Variants in CHODL observed in about 807,000 individuals in gnomAD.
The protein encoded by CHODL is chondrolectin, also known as transmembrane protein MT75.
A neutral mutation model predicts 34.5 loss-of-function variants in CHODL; 29 were observed. The observed-to-expected ratio is 0.84, with a 90% CI of 0.63 to 1.15. The LOEUF (loss-of-function observed/expected upper bound fraction) is 1.15, where lower values mean the gene tolerates loss of function less well. Among genes scored for constraint, CHODL ranks in the 50% most tolerant of loss-of-function variants. The probability of loss-of-function intolerance (pLI) is 0.00; values close to 1 mark genes in which losing one functional copy is unlikely to be tolerated. For missense variants in CHODL, 332 were observed against 332.5 expected (o/e 1.00, Z 0.01); for synonymous variants, 125 against 116.1 (o/e 1.08, Z -0.49).
intron 2 of CHODL, among the ~76,000 whole-genome samples, chr21:18,200,972 A>G (rs1043797659): frequency 2.0e-5 from 3 of 152,158 alleles, no homozygotes; most frequent in South Asian, 2.1e-4. Flanking sequence ...GTCAGAAGGA[A>G]CAGAGCCCTG....
chr21:17,933,058 A>G (rs888310071), intron 1 of CHODL, among the ~76,000 whole-genome samples: 1 of 152,168 alleles, frequency 6.6e-6, no homozygotes, highest in Non-Finnish European at 1.5e-5. Flanking sequence ...AAACATCTCA[A>G]TGCCTTAAAG....
chr21:18,120,036 G>C (rs1436831129), intron 2 of CHODL, among the ~76,000 whole-genome samples: 1 of 152,140 alleles, frequency 6.6e-6, no homozygotes, highest in Non-Finnish European at 1.5e-5. Flanking sequence ...TGGGATGGTG[G>C]TTGCAAGTCC....
intron 2 of CHODL, among the ~76,000 whole-genome samples, chr21:18,211,141 T>TATACACAC (rs1555882922): frequency 6.7e-6 from 1 of 148,788 alleles, no homozygotes; most frequent in Middle Eastern, 3.4e-3. Flanking sequence ...TACACATGGA[T>TATACACAC]ACACACACAC....
At chr21:18,214,431 C>T (rs1453283421) in intron 2 of CHODL, among the ~76,000 whole-genome samples, 1 of 152,038 alleles carries the variant, frequency 6.6e-6, no homozygotes, top group Non-Finnish European at 1.5e-5. Flanking sequence ...CGCTCTAGCA[C>T]CTAGCGAAAT....
chr21:18,207,752 T>C (rs2073729371), intron 2 of CHODL, among the ~76,000 whole-genome samples: 1 of 146,246 alleles, frequency 6.8e-6, no homozygotes, highest in South Asian at 2.2e-4. Flanking sequence ...TAGGATAAAA[T>C]TTTTTTCCTC....
chr21:18,125,437 A>G (rs2065530258), intron 2 of CHODL, among the ~76,000 whole-genome samples: 1 of 152,230 alleles, frequency 6.6e-6, no homozygotes, highest in Non-Finnish European at 1.5e-5. Context: ...AATATAGAAT[A>G]TAAAATCATA....
At chr21:18,242,162 C>G (rs1000928301), upstream of CHODL, among the ~76,000 whole-genome samples, 3 of 152,084 alleles carry the variant, frequency 2.0e-5, no homozygotes, top group African/African-American at 7.2e-5. Flanking sequence ...AGAAAGAGCC[C>G]TTAATTTCTG....
chr21:18,214,637 T>G (rs1245661394), intron 2 of CHODL, among the ~76,000 whole-genome samples: 2 of 152,150 alleles, frequency 1.3e-5, no homozygotes. Flanking sequence ...ACTTAAGGAA[T>G]GCATATATGG....
At chr21:18,084,436 T>C (rs1464902189) in intron 2 of CHODL, among the ~76,000 whole-genome samples, 1 of 152,216 alleles carries the variant, frequency 6.6e-6, no homozygotes, top group Non-Finnish European at 1.5e-5. Flanking sequence ...CTGCTTTTGC[T>C]GTATCCCACA....
chr21:17,989,813 T>C (rs75663595), intron 1 of CHODL, among the ~76,000 whole-genome samples: 1,833 of 152,286 alleles, frequency 0.012, 31 homozygotes, highest in African/African-American at 0.041. Flanking sequence ...AAACAGTATT[T>C]GTCAAACTCG....
intron 2 of CHODL, among the ~76,000 whole-genome samples, chr21:18,164,185 G>T (rs1366643401): frequency 6.6e-6 from 1 of 152,184 alleles, no homozygotes; most frequent in Non-Finnish European, 1.5e-5. Context: ...GCAGCACAGG[G>T]CCAAACAAAA....
In CHODL at chr21:18,239,787, C is replaced by A. The variant is rs1431480303; in HGVS notation, c.-44-16722C>A. On this transcript the variant is annotated intron_variant, in intron 2 of 6. Transcript: ENST00000400127. ...TATTTGGATTTTTCATTTTTTGTGG[C>A]ATCTGTGATATGTTGATTTATTAGT... Among the ~76,000 whole-genome samples the A allele has an allele frequency of 4.3e-4, 66 of 151,890 alleles. 1 individual carries two copies.
chr21:17,926,289 T>G (rs771215597), intron 1 of CHODL, among the ~76,000 whole-genome samples: 2 of 152,018 alleles, frequency 1.3e-5, no homozygotes, highest in Non-Finnish European at 2.9e-5. Context: ...ACAACAGAAT[T>G]ATACTTGCCT....
intron 1 of CHODL, among the ~76,000 whole-genome samples, chr21:17,995,535 G>C (rs1421016535): frequency 6.6e-6 from 1 of 152,152 alleles, no homozygotes; most frequent in East Asian, 1.9e-4. Context: ...TCAGCATGTG[G>C]TTATCTACTT....
At chr21:17,972,962 A>T (rs987599094) in intron 1 of CHODL, among the ~76,000 whole-genome samples, 10 of 152,150 alleles carry the variant, frequency 6.6e-5, no homozygotes, top group African/African-American at 2.4e-4. Context: ...CAATGAAACA[A>T]AACAGAGGCC....
chr21:18,145,627 A>G (rs1420269654), intron 2 of CHODL, among the ~76,000 whole-genome samples: 2 of 152,164 alleles, frequency 1.3e-5, no homozygotes, highest in East Asian at 3.9e-4. Flanking sequence ...TGTGTTCAAG[A>G]AAGAAAGCTT....
chr21:18,100,742 A>G (rs2065203075), intron 2 of CHODL, among the ~76,000 whole-genome samples: 1 of 152,164 alleles, frequency 6.6e-6, no homozygotes, highest in African/African-American at 2.4e-5. Flanking sequence ...AGAGTCATTC[A>G]GGAATGATTT....
intron 3 of CHODL, among the ~76,000 whole-genome samples, chr21:18,258,547 A>C (rs1276384585): frequency 6.6e-6 from 1 of 151,964 alleles, no homozygotes; most frequent in Non-Finnish European, 1.5e-5. Flanking sequence ...AATCTTCTTT[A>C]CTTGTTTATG....
intron 2 of CHODL, among the ~76,000 whole-genome samples, chr21:18,180,504 A>C (rs73314602): frequency 0.041 from 6,174 of 152,274 alleles, 438 homozygotes; most frequent in African/African-American, 0.14. Context: ...TTCCTGTTAC[A>C]GAAATTTTTT....
Sources: allele counts gnomAD v4.1 joint callset (sites outside exome capture counted in the v4.1 genomes callset), GRCh38; gene constraint gnomAD v4.1.1; transcripts MANE v1.5; gene names NCBI Gene and HGNC (gene_info 2026-07-23, HGNC 2026-07-21).